AP2A2: variants seen among roughly 807,000 people sequenced by gnomAD.
AP2A2 encodes AP-2 complex subunit alpha-2.
AP2A2 carries 32 observed loss-of-function variants against 104.2 expected under a neutral mutation model. The observed-to-expected ratio is 0.31, with a 90% CI of 0.23 to 0.41. AP2A2 has a LOEUF of 0.41. Among genes scored for constraint, AP2A2 ranks in the 10% least tolerant of loss-of-function variants. The pLI, the probability that AP2A2 is intolerant of heterozygous loss-of-function variation, is 1.00. For synonymous variants in AP2A2, 539 were observed against 533.3 expected, an observed-to-expected ratio of 1.01 and a Z score of -0.15; for missense variants, 912 against 1,261.0, an observed-to-expected ratio of 0.72 and a Z score of 4.19.
intron 5 of AP2A2, among the ~76,000 whole-genome samples, chr11:977,631 G>T (rs1160431422): frequency 1.3e-5 from 2 of 151,772 alleles, no homozygotes; most frequent in African/African-American, 4.8e-5. Context: ...TACACCAAGG[G>T]TGGAGGTTTC....
chr11:953,144 A>G (rs1297458246), intron 1 of AP2A2, among the ~76,000 whole-genome samples: 5 of 152,170 alleles, frequency 3.3e-5, no homozygotes, highest in Non-Finnish European at 7.3e-5. Context: ...CATCTCAGCC[A>G]TGGTCGTGCT....
chr11:990,935 C>G (rs1358559957), intron 10 of AP2A2, among the ~76,000 whole-genome samples: 1 of 142,862 alleles, frequency 7.0e-6, no homozygotes, highest in Non-Finnish European at 1.5e-5. Context: ...TCCTTTCAGT[C>G]GGGTATGGTG....
Position 1,009,409 on chromosome 11 carries a change from G to C in AP2A2, c.2607+12G>C, listed in dbSNP as rs1055358950. 8.7e-6 allele frequency: 14 copies of C among 1,609,540 alleles called. No homozygotes were observed. The African/African-American group carries it at 1.9e-4, about 22-fold the overall frequency. ...TCACCAAAGCCAAGGTAACACGTCT[G>C]GAGGGACGGCCCCGGGGGACACGCA... On this transcript the variant is annotated intron_variant, in intron 20 of 21. Transcript: ENST00000448903.
intron 5 of AP2A2, among the ~76,000 whole-genome samples, chr11:978,375 A>T (rs1003117038): frequency 6.6e-6 from 1 of 152,062 alleles, no homozygotes; most frequent in East Asian, 1.9e-4. Context: ...GGTCACCCTG[A>T]GTGCTTTTCA....
chr11:1,010,534 G>T lies in AP2A2; in HGVS notation c.2743-14G>T. 6.3e-7 allele frequency: 1 copy of T among 1,578,522 alleles called. No homozygotes were observed. The highest frequency in any genetic ancestry group is 1.8e-5 in the Admixed American group (1 of 55,220). ...CTCGGCGTGCCCGTTGACCTGCTGTGCTCTCTGTTTCAGATGTACCGGCTC... is the reference window on the plus strand; with the variant it reads ...CTCGGCGTGCCCGTTGACCTGCTGTTCTCTCTGTTTCAGATGTACCGGCTC... On this transcript the variant is annotated splice_polypyrimidine_tract_variant and intron_variant, in intron 21 of 21. Coordinates refer to ENST00000448903, the MANE Select transcript of AP2A2 (RefSeq NM_012305.4).
At chr11:985,777 A>T (rs1194682342) in intron 8 of AP2A2, among the ~76,000 whole-genome samples, 195 bp downstream of exon 8, 1 of 151,656 alleles carries the variant, frequency 6.6e-6, no homozygotes, top group African/African-American at 2.4e-5. Context: ...CTCACCGTGG[A>T]TTGCTTTGGT....
At chr11:936,045 G>A (rs1217991818) in intron 1 of AP2A2, among the ~76,000 whole-genome samples, 1 of 151,108 alleles carries the variant, frequency 6.6e-6, no homozygotes, top group East Asian at 1.9e-4. Flanking sequence ...GGGACTACAG[G>A]CGCCCACCAC....
chr11:962,077 C>T (rs917079900), intron 2 of AP2A2, among the ~76,000 whole-genome samples: 21 of 152,250 alleles, frequency 1.4e-4, no homozygotes, highest in African/African-American at 2.4e-4. Context: ...CCCAGATTGC[C>T]GGCTGGAGGT....
At chr11:983,064 AG>A (rs1855307751) in intron 6 of AP2A2, among the ~76,000 whole-genome samples, 1 of 117,444 alleles carries the variant, frequency 8.5e-6, no homozygotes, top group Admixed American at 1.2e-4. Flanking sequence ...TCTGTTGCCC[AG>A]GTTGGAGTGC....
intron 1 of AP2A2, among the ~76,000 whole-genome samples, chr11:928,245 T>C (rs969727016): frequency 2.6e-5 from 4 of 152,236 alleles, no homozygotes; most frequent in Non-Finnish European, 1.5e-5. Context: ...CAATAAGATA[T>C]TTAAAGAGAC....
intron 18 of AP2A2, 27 bp downstream of exon 18, chr11:1,008,162 C>T (rs773439398): frequency 6.3e-7 from 1 of 1,576,120 alleles, no homozygotes; most frequent in South Asian, 1.2e-5. Context: ...CGCCCCGGGC[C>T]AAGGGGTGTG....
Position 992,742 on chromosome 11 carries a change from CA to C in AP2A2, c.1452+58del, listed in dbSNP as rs1855703417. 6.3e-7 allele frequency: 1 copy of C among 1,597,084 alleles called. No homozygotes were observed. Among genetic ancestry groups the C allele is most frequent in the Admixed American group, 1.7e-5 (1 of 59,424 alleles). ...GTGGAGGGCAGTTGCAGAAGGTGAG[CA>C]GTGAGTGGTTCCAGCCTGCCTGCGT... On this transcript the variant is annotated intron_variant, in intron 11 of 21. Transcript: ENST00000448903. The surrounding 1 kb of genome is among the most constrained non-coding windows in gnomAD (Gnocchi z 6.4).
At chr11:982,687 G>A (rs1301782541) in intron 6 of AP2A2, among the ~76,000 whole-genome samples, 2 of 150,060 alleles carry the variant, frequency 1.3e-5, no homozygotes, top group African/African-American at 4.9e-5. Flanking sequence ...TCTCGCTCTT[G>A]GTGCCCAGGT....
intron 2 of AP2A2, among the ~76,000 whole-genome samples, chr11:969,089 A>G (rs1443312303): frequency 3.9e-5 from 6 of 152,006 alleles, no homozygotes; most frequent in Non-Finnish European, 8.8e-5. Context: ...GTGGCAGCAG[A>G]GTCTCTGTGA....
chr11:1,001,983 GC>G, intron 15 of AP2A2, among the ~76,000 whole-genome samples: 1 of 152,376 alleles, frequency 6.6e-6, no homozygotes, highest in East Asian at 1.9e-4. Context: ...CTCAGGGCGA[GC>G]CGGCTGTGGT....
chr11:954,531 T>G (rs1311180253), intron 1 of AP2A2, among the ~76,000 whole-genome samples: 3 of 152,220 alleles, frequency 2.0e-5, no homozygotes, highest in African/African-American at 7.2e-5. Flanking sequence ...TTTCTGTGTA[T>G]CTGTGTATTT....
intron 10 of AP2A2, among the ~76,000 whole-genome samples, chr11:991,032 C>T (rs1012207521): frequency 2.0e-5 from 3 of 150,204 alleles, no homozygotes; most frequent in Admixed American, 6.6e-5. Context: ...TCCTTTCAGC[C>T]GGGCACGATG....
chr11:1,006,437 G>T (rs1856208827), intron 16 of AP2A2, 91 bp from the exon 17 acceptor site: 1 of 905,840 alleles, frequency 1.1e-6, no homozygotes, highest in South Asian at 1.5e-5. Context: ...AAATTCAGCT[G>T]AAGATTGTGG....
rs538463237 is a variant in AP2A2 at position 1,010,335 on chromosome 11, C to G, written c.2743-213C>G. On this transcript the variant is annotated intron_variant, in intron 21 of 21. Coordinates refer to ENST00000448903, the MANE Select transcript of AP2A2 (RefSeq NM_012305.4). ...CAGGTGGCCGTGCCACTTTGCACTCCCGCCAGCTACGTACGAGACGCCAGG... is the reference window on the plus strand; with the variant it reads ...CAGGTGGCCGTGCCACTTTGCACTCGCGCCAGCTACGTACGAGACGCCAGG... 8.5e-6 allele frequency: 5 copies of G among 589,336 alleles called. No homozygotes were observed. In the South Asian group the frequency reaches 1.1e-4, roughly 13 times the overall value. The allele number at this position is 589,336 out of a possible 1,614,324, so 36.5% of individuals were successfully genotyped here.
Sources: gnomAD v4.1 joint callset for allele counts (sites outside exome capture counted in the v4.1 genomes callset) on GRCh38, gnomAD v4.1.1 for gene constraint, Gnocchi (gnomAD v3.1) non-coding constraint, MANE v1.5 for transcripts, NCBI Gene and HGNC (gene_info 2026-07-23, HGNC 2026-07-21) for gene names.